SLC9C2: variants seen among roughly 807,000 people sequenced by gnomAD.
SLC9C2 encodes solute carrier family 9 member C2 (putative), also known as sodium/hydrogen exchanger 11.
Under a neutral mutation model 140.2 loss-of-function variants are expected in SLC9C2, and 75 were observed. The observed-to-expected ratio is 0.53, with a 90% CI of 0.44 to 0.65. The LOEUF (loss-of-function observed/expected upper bound fraction) is 0.65. SLC9C2 is among the 30% of genes least tolerant of loss of function. SLC9C2 has a pLI of 0.00. For synonymous variants in SLC9C2, 375 were observed against 420.9 expected (o/e 0.89, Z 1.34); for missense variants, 1,074 against 1,331.8 (o/e 0.81, Z 3.01).
At chr1:173,501,609 C>A (rs1212510124) in intron 27 of SLC9C2, among the ~76,000 whole-genome samples, 2 of 146,022 alleles carry the variant, frequency 1.4e-5, no homozygotes, top group African/African-American at 5.1e-5. Flanking sequence ...CTCCCAGGTT[C>A]ATGCCATTCT....
chr1:173,516,683 T>C (rs1045703302), intron 23 of SLC9C2, among the ~76,000 whole-genome samples: 1 of 152,246 alleles, frequency 6.6e-6, no homozygotes, highest in African/African-American at 2.4e-5. Context: ...CTATGGTATA[T>C]ATGTACCATG....
Position 173,535,850 on chromosome 1 carries a change from C to A in SLC9C2, c.1755G>T (p.Lys585Asn), listed in dbSNP as rs1326309470. The change falls in exon 15 of 28, where the codon AAG (lysine) becomes AAT (asparagine). Residue 585 changes from lysine (K) to asparagine (N), a missense_variant. By Grantham distance (94) the Lys-to-Asn change is moderately conservative (BLOSUM62 0). Coordinates refer to ENST00000367714, the MANE Select transcript of SLC9C2 (RefSeq NM_178527.4). ...CTTACTCAGGTGGAATAAAATGTATCTTTTCTATACAATATTCCAAGAAAG... is the reference window on the plus strand; with the variant it reads ...CTTACTCAGGTGGAATAAAATGTATATTTTCTATACAATATTCCAAGAAAG... ...VLTFLEYCIEKIHFIPPESNT... is the reference protein window; with the variant it reads ...VLTFLEYCIENIHFIPPESNT... 2 of 1,511,416 alleles carry A rather than the reference C, an allele frequency of 1.3e-6. No individual in the cohort carries two copies. The highest frequency in any genetic ancestry group is 8.9e-7 in the Non-Finnish European group (1 of 1,121,948). The allele number at this position is 1,511,416 out of a possible 1,614,324, so 93.6% of individuals were successfully genotyped here.
intron 9 of SLC9C2, 44 bp from the exon 10 acceptor site, chr1:173,557,552 T>C: frequency 6.5e-7 from 1 of 1,549,258 alleles, no homozygotes; most frequent in Non-Finnish European, 8.8e-7. Flanking sequence ...CCTTGTTTAT[T>C]AATGTTATTC....
At chr1:173,555,064 A>G (rs1463595102) in intron 10 of SLC9C2, among the ~76,000 whole-genome samples, 1 of 152,240 alleles carries the variant, frequency 6.6e-6, no homozygotes, top group Non-Finnish European at 1.5e-5. Flanking sequence ...TATGCTAAGG[A>G]CACAGGGAGG....
intron 19 of SLC9C2, among the ~76,000 whole-genome samples, chr1:173,525,663 A>G (rs77712152): frequency 0.015 from 2,253 of 152,366 alleles, 66 homozygotes; most frequent in African/African-American, 0.052. Flanking sequence ...GATAATGTAC[A>G]TAAAGAGTTA....
chr1:173,558,444 A>G (rs1296889265), intron 9 of SLC9C2, among the ~76,000 whole-genome samples: 1 of 152,230 alleles, frequency 6.6e-6, no homozygotes, highest in Non-Finnish European at 1.5e-5. Context: ...GAGGCAGAAC[A>G]GCAAATACTC....
intron 9 of SLC9C2, among the ~76,000 whole-genome samples, chr1:173,561,738 G>C (rs75870454): frequency 2.6e-5 from 4 of 151,996 alleles, no homozygotes. Context: ...CAGATAAATT[G>C]ATGATCACTG....
intron 13 of SLC9C2, among the ~76,000 whole-genome samples, chr1:173,545,088 G>A (rs992590358): frequency 2.0e-5 from 3 of 152,092 alleles, no homozygotes; most frequent in Non-Finnish European, 4.4e-5. Context: ...GTGGCTGAAG[G>A]CCCTTTGTTA....
intron 9 of SLC9C2, among the ~76,000 whole-genome samples, chr1:173,568,289 C>A (rs1037296846): frequency 1.3e-5 from 2 of 152,106 alleles, no homozygotes; most frequent in Non-Finnish European, 2.9e-5. Flanking sequence ...CCCATCCTCC[C>A]ACCTCAAGTA....
chr1:173,543,746 C>A (rs567332648), intron 13 of SLC9C2, among the ~76,000 whole-genome samples: 24 of 152,266 alleles, frequency 1.6e-4, no homozygotes, highest in South Asian at 6.2e-4. Flanking sequence ...CAAAAACAAG[C>A]AATGGGGAAA....
chr1:173,561,885 ACCCC>A (rs796946582), intron 9 of SLC9C2, among the ~76,000 whole-genome samples: 1 of 150,390 alleles, frequency 6.6e-6, no homozygotes, highest in Admixed American at 6.6e-5. Flanking sequence ...ACACACACAC[ACCCC>A]CAACTGTAAC....
At chr1:173,539,759 A>G (rs764954732) in intron 13 of SLC9C2, among the ~76,000 whole-genome samples, 14 of 152,232 alleles carry the variant, frequency 9.2e-5, no homozygotes, top group Non-Finnish European at 2.1e-4. Flanking sequence ...GGAGACTGAA[A>G]AGGAAAGGGG....
chr1:173,503,272 T>G lies in SLC9C2; in HGVS notation c.3365A>C (p.Lys1122Thr). ...AAAGTGTCAAGTTTATTACCTCATC[T>G]TTTGTCTTCCATTTATATTCTTTCC... ...QPGKNINGRQ[K>T]MS The change falls in exon 27 of 28, where the codon AAG (lysine) becomes ACG (threonine). Residue 1122 changes from lysine to threonine, a missense_variant. Physicochemically the swap from Lys to Thr is moderately conservative, Grantham distance 78. Transcript: ENST00000367714. The G allele has an allele frequency of 6.2e-7, 1 of 1,613,252 alleles. No homozygotes were observed. Among genetic ancestry groups the G allele is most frequent in the Non-Finnish European group, 8.5e-7 (1 of 1,179,398 alleles).
At chr1:173,588,222 T>C (rs1336923478) in intron 4 of SLC9C2, among the ~76,000 whole-genome samples, 1 of 152,138 alleles carries the variant, frequency 6.6e-6, no homozygotes, top group Non-Finnish European at 1.5e-5. Context: ...GACTCTAAAA[T>C]AGTCACAGAA....
chr1:173,550,631 G>A (rs1051243140), intron 11 of SLC9C2, among the ~76,000 whole-genome samples: 7 of 151,596 alleles, frequency 4.6e-5, no homozygotes, highest in African/African-American at 1.7e-4. Flanking sequence ...TAGCAACGGG[G>A]TTTCACCATG....
At chr1:173,503,424 A>G (rs908960596) in intron 26 of SLC9C2, 98 bp from the exon 27 acceptor site, 10 of 1,125,550 alleles carry the variant, frequency 8.9e-6, no homozygotes, top group South Asian at 1.4e-5. Context: ...CTTTCTCCCT[A>G]TAAGTTTCCC....
At chr1:173,531,218 T>TG (rs1661557745) in intron 17 of SLC9C2, among the ~76,000 whole-genome samples, 1 of 152,184 alleles carries the variant, frequency 6.6e-6, no homozygotes. Flanking sequence ...TAGTGAGTGT[T>TG]CAATTAAAAA....
At chr1:173,587,102 G>C (rs1465077606) in intron 5 of SLC9C2, among the ~76,000 whole-genome samples, 6 of 151,976 alleles carry the variant, frequency 3.9e-5, no homozygotes, top group Non-Finnish European at 8.8e-5. Context: ...AATAATATGG[G>C]AAATAGTGCA....
At chr1:173,561,877 A>G (rs887538485) in intron 9 of SLC9C2, among the ~76,000 whole-genome samples, 1 of 151,674 alleles carries the variant, frequency 6.6e-6, no homozygotes, top group African/African-American at 2.4e-5. Context: ...ACACACACAC[A>G]CACACACACC....
Sources: allele counts gnomAD v4.1 joint callset (sites outside exome capture counted in the v4.1 genomes callset), GRCh38; gene constraint gnomAD v4.1.1; transcripts MANE v1.5; gene names NCBI Gene and HGNC (gene_info 2026-07-23, HGNC 2026-07-21).